Variants in RAD18 observed in about 807,000 individuals in gnomAD.
RAD18 encodes RAD18 E3 ubiquitin protein ligase, also known as E3 ubiquitin-protein ligase RAD18.
A neutral mutation model predicts 60.4 loss-of-function variants in RAD18; 47 were observed. The observed-to-expected ratio is 0.78, with a 90% CI of 0.62 to 0.99. RAD18 has a LOEUF of 0.99. Among genes scored for constraint, RAD18 ranks in the 50% least tolerant of loss-of-function variants. The pLI is 0.00. For missense variants in RAD18, 640 were observed against 593.3 expected, an observed-to-expected ratio of 1.08 and a Z score of -0.82; for synonymous variants, 225 against 195.5, an observed-to-expected ratio of 1.15 and a Z score of -1.26.
At chr3:8,906,370 C>T (rs1435325049) in intron 9 of RAD18, among the ~76,000 whole-genome samples, 1 of 152,074 alleles carries the variant, frequency 6.6e-6, no homozygotes, top group Non-Finnish European at 1.5e-5. Context: ...CCAGCTATGA[C>T]CCTATTTTTT....
intron 6 of RAD18, among the ~76,000 whole-genome samples, chr3:8,938,120 G>C (rs1000114650): frequency 6.6e-6 from 1 of 152,102 alleles, no homozygotes; most frequent in African/African-American, 2.4e-5. Context: ...TGGCTTATGG[G>C]AAATAATCCT....
At chr3:8,948,110 G>A (rs1940864829) in intron 3 of RAD18, among the ~76,000 whole-genome samples, 1 of 152,206 alleles carries the variant, frequency 6.6e-6, no homozygotes, top group African/African-American at 2.4e-5. Flanking sequence ...GGGGAAAGAT[G>A]TAAGGGAACA....
intron 12 of RAD18, among the ~76,000 whole-genome samples, chr3:8,883,794 T>G (rs1939512304): frequency 6.6e-6 from 1 of 152,182 alleles, no homozygotes; most frequent in African/African-American, 2.4e-5. Flanking sequence ...GCTTTTACCA[T>G]TAGGCTTTTT....
intron 7 of RAD18, among the ~76,000 whole-genome samples, chr3:8,925,364 G>A (rs62242223): frequency 0.57 from 87,238 of 151,954 alleles, 28,786 homozygotes; most frequent in Middle Eastern, 0.73. Flanking sequence ...AAACCAGGAA[G>A]AAGTTGAATC....
At chr3:8,925,223 G>C (rs1940411237) in intron 7 of RAD18, among the ~76,000 whole-genome samples, 1 of 151,972 alleles carries the variant, frequency 6.6e-6, no homozygotes, top group Non-Finnish European at 1.5e-5. Context: ...AAATGATAAA[G>C]GGGATATCAC....
At chr3:8,941,021 C>A (rs1352929558) in intron 5 of RAD18, among the ~76,000 whole-genome samples, 1 of 152,200 alleles carries the variant, frequency 6.6e-6, no homozygotes, top group Non-Finnish European at 1.5e-5. Context: ...GAGGCTAGAG[C>A]AGGACTTCTG....
intron 11 of RAD18, among the ~76,000 whole-genome samples, chr3:8,898,153 A>G (rs1939826451): frequency 6.6e-6 from 1 of 152,202 alleles, no homozygotes. Flanking sequence ...GAACACTGGG[A>G]AAAATGTAGA....
chr3:8,921,597 G>A (rs76741130), intron 7 of RAD18, among the ~76,000 whole-genome samples: 3,687 of 151,960 alleles, frequency 0.024, 62 homozygotes, highest in Non-Finnish European at 0.034. Context: ...CTATCATTGC[G>A]CCACTGCACT....
intron 7 of RAD18, among the ~76,000 whole-genome samples, chr3:8,916,839 G>A (rs147982799): frequency 6.6e-6 from 1 of 151,926 alleles, no homozygotes; most frequent in African/African-American, 2.4e-5. Flanking sequence ...ACAGAACAGA[G>A]CCTCTAAGAG....
rs568306540 is a variant in RAD18, at chr3:8,948,353, T to C, written c.195+156A>G. 5.9e-5 allele frequency among the ~76,000 whole-genome samples: 9 copies of C among 152,378 alleles called. No homozygotes were observed. In the South Asian group the frequency reaches 1.9e-3, roughly 32 times the overall value. On this transcript the variant is annotated intron_variant, in intron 3 of 12. Coordinates refer to ENST00000264926, the MANE Select transcript of RAD18 (RefSeq NM_020165.4). ...AAACTGAACAAAGCCCAGCTCTTCTTACATGTACTTTAGAGGTCCTTTCTG... is the reference window on the plus strand; with the variant it reads ...AAACTGAACAAAGCCCAGCTCTTCTCACATGTACTTTAGAGGTCCTTTCTG...
At chr3:8,893,233 G>A (rs545856401) in intron 11 of RAD18, among the ~76,000 whole-genome samples, 10 of 151,916 alleles carry the variant, frequency 6.6e-5, no homozygotes, top group Admixed American at 1.3e-4. Flanking sequence ...GGTACTGCGG[G>A]GTAGGAAAAA....
At chr3:8,938,745 C>G (rs908387695) in intron 6 of RAD18, among the ~76,000 whole-genome samples, 28 of 152,106 alleles carry the variant, frequency 1.8e-4, no homozygotes, top group African/African-American at 6.5e-4. Context: ...AAAGAACAAC[C>G]CTTGATCTTT....
chr3:8,905,306 T>A (rs1288082706), intron 9 of RAD18, among the ~76,000 whole-genome samples: 8 of 152,200 alleles, frequency 5.3e-5, no homozygotes, highest in African/African-American at 4.8e-5. Context: ...TTAAATGTAA[T>A]CTTTTTTAGA....
intron 7 of RAD18, among the ~76,000 whole-genome samples, chr3:8,919,381 A>G (rs1940269984): frequency 6.6e-6 from 1 of 152,240 alleles, no homozygotes; most frequent in South Asian, 2.1e-4. Flanking sequence ...CGAATGAAAA[A>G]AGACAAGATG....
At chr3:8,912,399 T>C in intron 8 of RAD18, 27 bp from the exon 9 acceptor site, 7 of 1,457,022 alleles carry the variant, frequency 4.8e-6, no homozygotes, top group Non-Finnish European at 6.5e-6. Flanking sequence ...AAGACCTTAA[T>C]AAAAATCTCC....
intron 6 of RAD18, 64 bp downstream of exon 6, chr3:8,939,490 C>A: frequency 7.5e-7 from 1 of 1,328,896 alleles, no homozygotes; most frequent in Non-Finnish European, 1.1e-6. Context: ...CTGTAATTTT[C>A]CCCCAAGTAA....
intron 1 of RAD18, among the ~76,000 whole-genome samples, chr3:8,961,215 A>T (rs1391033660): frequency 6.6e-6 from 1 of 152,230 alleles, no homozygotes; most frequent in African/African-American, 2.4e-5. Context: ...ATGTCACTCC[A>T]AGACAGTAAC....
At chr3:8,895,789 G>C (rs1939772886) in intron 11 of RAD18, among the ~76,000 whole-genome samples, 2 of 152,242 alleles carry the variant, frequency 1.3e-5, no homozygotes, top group South Asian at 4.1e-4. Context: ...ACTTTCATTA[G>C]TTTGTTGTGT....
intron 9 of RAD18, among the ~76,000 whole-genome samples, chr3:8,904,052 T>C (rs1559765091): frequency 6.6e-6 from 1 of 152,206 alleles, no homozygotes; most frequent in Non-Finnish European, 1.5e-5. Context: ...AATTCTTGTC[T>C]ATAGATATGC....
Sources: allele counts gnomAD v4.1 joint callset (sites outside exome capture counted in the v4.1 genomes callset), GRCh38; gene constraint gnomAD v4.1.1; transcripts MANE v1.5; gene names NCBI Gene and HGNC (gene_info 2026-07-23, HGNC 2026-07-21).